Variants in NPIPB11 observed in about 807,000 individuals in gnomAD.
NPIPB11 encodes nuclear pore complex interacting protein family member B11.
NPIPB11 carries 17 observed loss-of-function variants against 32.8 expected under a neutral mutation model. That is an observed-to-expected ratio of 0.52 (90% CI 0.35 to 0.78). NPIPB11 has a LOEUF of 0.78. Ranked by LOEUF, NPIPB11 falls within the 30% of genes least tolerant of loss-of-function variation. NPIPB11 has a pLI of 0.01. For synonymous variants in NPIPB11, 209 were observed against 398.4 expected (o/e 0.52, Z 5.66); for missense variants, 537 against 1,000.4 (o/e 0.54, Z 6.25).
At chr16:29,398,758 C>G (rs1296193428) in intron 2 of NPIPB11, among the ~76,000 whole-genome samples, 3 of 150,202 alleles carry the variant, frequency 2.0e-5, no homozygotes, top group African/African-American at 7.3e-5. Context: ...TGCCTTTCAA[C>G]TCAATGATAA....
chr16:29,400,977 G>A lies in NPIPB11; in HGVS notation c.120+2706C>T, dbSNP rs1477315284. Among the ~76,000 whole-genome samples, 4 of 152,102 alleles carry A rather than the reference G, an allele frequency of 2.6e-5. No individual in the cohort carries two copies. In the South Asian group the frequency reaches 6.2e-4, roughly 24 times the overall value. On this transcript the variant is annotated intron_variant, in intron 2 of 7. Coordinates refer to ENST00000524087, the Ensembl canonical transcript of NPIPB11. ...TCCGGCAGGGTACAGGCTCGCACCT[G>A]GGGCCTCATGGAGCATCTCTCTAAG... is the stretch of plus-strand genomic sequence containing the variant.
At chr16:29,397,738 T>C (rs1963896061) in intron 2 of NPIPB11, 1 of 253,804 alleles carries the variant, frequency 3.9e-6, no homozygotes, top group East Asian at 1.3e-4. Flanking sequence ...CGGGCCCGGA[T>C]CTGAGTTGGG....
chr16:29,399,052 T>A (rs1963926705), intron 2 of NPIPB11, among the ~76,000 whole-genome samples: 1 of 149,928 alleles, frequency 6.7e-6, no homozygotes, highest in Admixed American at 6.6e-5. Context: ...GCTTCTCTCC[T>A]AAGGTATTTG....
chr16:29,400,004 G>A (rs1445847911), intron 2 of NPIPB11, among the ~76,000 whole-genome samples: 3 of 151,898 alleles, frequency 2.0e-5, no homozygotes, highest in African/African-American at 4.8e-5. Context: ...TTGAACCCAG[G>A]AGGTGGAGGT....
chr16:29,384,173 T>C (rs1360416871), exon 8 of NPIPB11: 1 of 1,567,242 alleles, frequency 6.4e-7, no homozygotes, highest in Non-Finnish European at 8.5e-7. Context: ...TTATACAATG[T>C]TGTTGAGTTG....
chr16:29,399,295 T>C (rs958222934), intron 2 of NPIPB11, among the ~76,000 whole-genome samples: 1 of 151,222 alleles, frequency 6.6e-6, no homozygotes, highest in African/African-American at 2.4e-5. Flanking sequence ...CCCTTTACCA[T>C]TTACTATGAC....
chr16:29,406,708 T>C (rs1257981499), upstream of NPIPB11, among the ~76,000 whole-genome samples: 1 of 149,292 alleles, frequency 6.7e-6, no homozygotes, highest in African/African-American at 2.5e-5. Context: ...AGGTAGAATC[T>C]AACTAAAAAA....
upstream of NPIPB11, among the ~76,000 whole-genome samples, chr16:29,406,233 A>G (rs1389780949): frequency 2.0e-5 from 3 of 152,246 alleles, no homozygotes; most frequent in East Asian, 5.8e-4. Flanking sequence ...ATGGGCAGGC[A>G]TTGTCAAATG....
chr16:29,383,246 C>G, exon 8 of NPIPB11: 1 of 1,560,570 alleles, frequency 6.4e-7, no homozygotes, highest in Non-Finnish European at 8.7e-7. Context: ...TGAGCTGACG[C>G]TCGGAAGGTG....
intron 2 of NPIPB11, among the ~76,000 whole-genome samples, chr16:29,399,991 C>T (rs533261349): frequency 2.0e-5 from 3 of 151,216 alleles, no homozygotes; most frequent in Admixed American, 1.3e-4. Flanking sequence ...GCAGGACAAT[C>T]CCTTGAACCC....
intron 2 of NPIPB11, among the ~76,000 whole-genome samples, chr16:29,402,724 C>CTGTGTGTG (rs71214272): frequency 0.039 from 4,701 of 119,416 alleles, 146 homozygotes; most frequent in East Asian, 0.13. Context: ...CTCTCTCTCT[C>CTGTGTGTG]TGTGTGTGTG....
chr16:29,399,459 T>C (rs1047976192), intron 2 of NPIPB11, among the ~76,000 whole-genome samples: 6 of 148,866 alleles, frequency 4.0e-5, no homozygotes, highest in Non-Finnish European at 7.4e-5. Context: ...CCCAGCACTT[T>C]GGGAGGCCGA....
At chr16:29,393,806 T>C (rs932252491) in intron 3 of NPIPB11, 142 bp downstream of exon 3, 12 of 1,229,560 alleles carry the variant, frequency 9.8e-6, no homozygotes, top group Non-Finnish European at 1.2e-5. Context: ...ATTTTCATAA[T>C]TCTTATGCTA....
At position 29,383,878 on chromosome 16, in the gene NPIPB11, C is replaced by CA; in HGVS notation, c.1053_1054insT (p.Glu352Ter). On this transcript the variant is annotated frameshift_variant, in exon 8 of 8. Coordinates refer to ENST00000524087, the Ensembl canonical transcript of NPIPB11. LOFTEE classifies it low-confidence loss of function (END_TRUNC). ...GGTGGAAGGGGAGTGAGCTGACGCT[C>CA]GGAAGGTGTCTTGAGATTATCATCC... is the stretch of plus-strand genomic sequence containing the variant. The CA allele has an allele frequency of 1.6e-6, 2 of 1,229,956 alleles. No homozygotes were observed. Among genetic ancestry groups the CA allele is most frequent in the East Asian group, 2.5e-5 (1 of 40,292 alleles). The allele number at this position is 1,229,956 out of a possible 1,614,324, so 76.2% of individuals were successfully genotyped here.
intron 2 of NPIPB11, among the ~76,000 whole-genome samples, chr16:29,400,359 A>T (rs1239081797): frequency 6.6e-6 from 1 of 151,782 alleles, no homozygotes; most frequent in Non-Finnish European, 1.5e-5. Context: ...TCCCTCATGG[A>T]GGCATGGCCA....
chr16:29,395,917 G>A (rs1460072290), intron 2 of NPIPB11, among the ~76,000 whole-genome samples: 8 of 151,390 alleles, frequency 5.3e-5, no homozygotes, highest in Non-Finnish European at 1.2e-4. Flanking sequence ...GGCAGAGGTT[G>A]CAGTGAGCCG....
chr16:29,394,006 A>C (rs751901508), exon 3 of NPIPB11: 24 of 1,599,440 alleles, frequency 1.5e-5, no homozygotes, highest in Non-Finnish European at 1.9e-5. Context: ...AAACGCAATA[A>C]TAATATGTAA....
chr16:29,403,136 G>A (rs1202565372), intron 2 of NPIPB11, among the ~76,000 whole-genome samples: 2 of 144,594 alleles, frequency 1.4e-5, no homozygotes, highest in East Asian at 2.0e-4. Context: ...GGAGTGCAAT[G>A]GCGTGATCTC....
At chr16:29,390,807 T>C (rs1666562356) in intron 3 of NPIPB11, among the ~76,000 whole-genome samples, 1 of 150,920 alleles carries the variant, frequency 6.6e-6, no homozygotes, top group Non-Finnish European at 1.5e-5. Context: ...CTGCTAAAAA[T>C]ACAAAATTAG....
Sources: allele counts gnomAD v4.1 joint callset (sites outside exome capture counted in the v4.1 genomes callset), GRCh38; gene constraint gnomAD v4.1.1; transcripts MANE v1.5; gene names NCBI Gene and HGNC (gene_info 2026-07-23, HGNC 2026-07-21).